HK3: variants seen among roughly 807,000 people sequenced by gnomAD.
The protein encoded by HK3 is hexokinase-3.
HK3 carries 93 observed loss-of-function variants against 91.0 expected under a neutral mutation model. That is an observed-to-expected ratio of 1.02 (90% CI 0.86 to 1.21). HK3 has a LOEUF of 1.21. Among genes scored for constraint, HK3 ranks in the 50% most tolerant of loss-of-function variants. The pLI, the probability that HK3 is intolerant of heterozygous loss-of-function variation, is 0.00. For missense variants in HK3, 1,235 were observed against 1,247.4 expected (o/e 0.99, Z 0.15); for synonymous variants, 519 against 516.9 (o/e 1.00, Z -0.06).
intron 6 of HK3, 144 bp from the exon 7 acceptor site, chr5:176,889,888 G>T: frequency 1.5e-6 from 1 of 675,878 alleles, no homozygotes; most frequent in Non-Finnish European, 2.6e-6. Context: ...ACACATTTGT[G>T]CCACAGATGC....
In HK3 at chr5:176,891,197, G is replaced by A. The variant is rs779799257; in HGVS notation, c.260-6C>T. The stretch of plus-strand genomic sequence containing the variant: ...CACCACGAAGTCTCCTTGCTCTGGA[G>A]GGCAAGCAGGTCACAGAAAGCCATG... On this transcript the variant is annotated splice_polypyrimidine_tract_variant and splice_region_variant and intron_variant, in intron 3 of 18. Coordinates refer to ENST00000292432, the MANE Select transcript of HK3 (RefSeq NM_002115.3). 9 of 1,613,996 alleles carry A rather than the reference G, an allele frequency of 5.6e-6. No individual in the cohort carries two copies. The highest frequency in any genetic ancestry group is 1.6e-4 in the Middle Eastern group (1 of 6,084).
intron 13 of HK3, among the ~76,000 whole-genome samples, chr5:176,886,556 G>C (rs563563463): frequency 1.3e-5 from 2 of 152,046 alleles, no homozygotes; most frequent in African/African-American, 4.8e-5. Context: ...GTAGGGATGT[G>C]TGTCTTAGCC....
At position 176,880,898 on chromosome 5, in the gene HK3, A is replaced by G. The variant is rs1372193491; in HGVS notation, c.*175T>C. 6.6e-6 allele frequency: 4 copies of G among 603,790 alleles called. No homozygotes were observed. The highest frequency in any genetic ancestry group is 1.1e-5 in the Non-Finnish European group (4 of 359,028). The allele number at this position is 603,790 out of a possible 1,614,324, so 37.4% of individuals were successfully genotyped here. A position where few individuals can be genotyped will look rare whatever the true frequency, so the allele number is the denominator to read the frequency against. Reference sequence around the variant, plus strand: ...AATAAATTATATATATATATTGCTAACCTGAGTGCTACTTCTCTCAGGGAA... The same window carrying G: ...AATAAATTATATATATATATTGCTAGCCTGAGTGCTACTTCTCTCAGGGAA... On this transcript the variant is annotated 3_prime_UTR_variant, in exon 19 of 19. Coordinates refer to ENST00000292432, the MANE Select transcript of HK3 (RefSeq NM_002115.3).
At chr5:176,886,144 G>A (rs1758578827) in intron 13 of HK3, among the ~76,000 whole-genome samples, 1 of 151,978 alleles carries the variant, frequency 6.6e-6, no homozygotes, top group Non-Finnish European at 1.5e-5. Context: ...CAGGAGGATT[G>A]CTTGAACACA....
In HK3 at chr5:176,883,670, C is replaced by T. The variant is rs564073355; in HGVS notation, c.2053+100G>A. On this transcript the variant is annotated intron_variant, in intron 15 of 18. Transcript: ENST00000292432. The stretch of plus-strand genomic sequence containing the variant: ...CCCTACTGGGTCAGACCAGAGCAAT[C>T]CCACATCCCCACCGCCAAGGAAACA... 3.4e-5 allele frequency: 32 copies of T among 949,398 alleles called. 1 individual carries two copies. The South Asian group carries it at 4.5e-4, about 13-fold the overall frequency. The allele number at this position is 949,398 out of a possible 1,614,324, so 58.8% of individuals were successfully genotyped here.
intron 2 of HK3, among the ~76,000 whole-genome samples, chr5:176,894,797 G>A (rs892974043): frequency 2.0e-5 from 1 of 50,754 alleles, no homozygotes; most frequent in Admixed American, 2.4e-4. Context: ...TTTTTTTTTT[G>A]ACAGAGTCTC....
In HK3 at chr5:176,887,609, C is replaced by T. The variant is rs61741552; in HGVS notation, c.1442G>A (p.Arg481His). ...AVAARLAAHR[R>H]LLEETLAPFR... Reference sequence around the variant, plus strand: ...TGGGGCCAGGGTCTCCTCCAGCAGGCGCCGGTGGGCAGCCAGACGGGCAGC... The same window carrying T: ...TGGGGCCAGGGTCTCCTCCAGCAGGTGCCGGTGGGCAGCCAGACGGGCAGC... Residue 481 changes from arginine (R) to histidine (H), a missense_variant, in exon 11 of 19, where the codon CGC (arginine) becomes CAC (histidine). Physicochemically the swap from Arg to His is conservative, Grantham distance 29. This residue lies in a region of HK3 where 717 missense variants were observed against 751.6 expected (regional missense o/e 0.95). Transcript: ENST00000292432. This position sits in a 1 kb window ranked among gnomAD's most constrained non-coding sequence, Gnocchi z 4.9. 1.5e-4 allele frequency: 236 copies of T among 1,613,726 alleles called. No individual in the cohort carries two copies. In the African/African-American group the frequency reaches 2.5e-3, roughly 17 times the overall value.
Position 176,887,203 on chromosome 5 carries a change from G to C in HK3, c.1735C>G (p.Gln579Glu). Residue 579 changes from glutamine to glutamate, a missense_variant and splice_region_variant, in exon 12 of 19, where the codon CAG (glutamine) becomes GAG (glutamate). By Grantham distance (29) the Gln-to-Glu change is conservative. Transcript: ENST00000292432. The surrounding 1 kb of genome is among the most constrained non-coding windows in gnomAD (Gnocchi z 4.9). ...ATCAAGGTTCAGGCTGTGGGTACCT[G>C]CTGCCCAGAACCCTGGGCCACAGTC... ...PETVAQGSGQ[Q>E]LFDHIVDCIV... The C allele has an allele frequency of 6.2e-7, 1 of 1,614,116 alleles. No individual in the cohort carries two copies. The highest frequency in any genetic ancestry group is 8.5e-7 in the Non-Finnish European group (1 of 1,180,020).
intron 2 of HK3, among the ~76,000 whole-genome samples, chr5:176,893,292 T>A (rs1414499749): frequency 6.6e-6 from 1 of 152,116 alleles, no homozygotes; most frequent in African/African-American, 2.4e-5. Context: ...CCTAGAAAGT[T>A]CCCTTGAAAA....
At position 176,883,784 on chromosome 5, in the gene HK3, A is replaced by G; in HGVS notation, c.2039T>C (p.Ile680Thr). 1 of 1,613,876 alleles carries G rather than the reference A, an allele frequency of 6.2e-7. No individual in the cohort carries two copies. Among genetic ancestry groups the G allele is most frequent in the Non-Finnish European group, 8.5e-7 (1 of 1,179,852 alleles). Residue 680 changes from isoleucine (I) to threonine (T), a missense_variant, in exon 15 of 19, where the codon ATA (isoleucine) becomes ACA (threonine). Ile to Thr is a moderately conservative substitution (Grantham distance 89). Coordinates refer to ENST00000292432, the MANE Select transcript of HK3 (RefSeq NM_002115.3). ...GCCCTCCTCACCGACAATGAGGCCT[A>G]TCTCGCAACGGGGGTCCTCATAGCC... ...SCGYEDPRCE[I>T]GLIVGTGTNA...
In HK3 at chr5:176,896,087, C is replaced by G. The variant is rs751050734; in HGVS notation, c.73G>C (p.Gly25Arg). The G allele has an allele frequency of 4.3e-6, 7 of 1,613,514 alleles. No individual in the cohort carries two copies. In the East Asian group the frequency reaches 1.6e-4, roughly 36 times the overall value. The change falls in exon 2 of 19, where the codon GGG becomes CGG. Residue 25 changes from glycine (G) to arginine (R), a missense_variant. Physicochemically the swap from Gly to Arg is moderately radical, Grantham distance 125. Around this residue, in one of 3 missense-constraint regions of HK3, gnomAD observed 717 missense variants for 751.6 expected, o/e 0.95. Transcript: ENST00000292432. Reference sequence around the variant, plus strand: ...ACCAGCTCTGAGCTGTCTGAGGGCCCGGGCAAGCCCTCCTCAGAGCAACTC... The same window carrying G: ...ACCAGCTCTGAGCTGTCTGAGGGCCGGGGCAAGCCCTCCTCAGAGCAACTC... ...TLSCSEEGLP[G>R]PSDSSELVQE...
At chr5:176,890,492 A>G (rs1758736238) in intron 6 of HK3, 143 bp downstream of exon 6, 2 of 721,964 alleles carry the variant, frequency 2.8e-6, no homozygotes, top group Non-Finnish European at 4.9e-6. Flanking sequence ...TACCATGTAT[A>G]GGTTAAACTG....
intron 15 of HK3, among the ~76,000 whole-genome samples, chr5:176,882,829 G>C (rs1158455934): frequency 6.6e-6 from 1 of 152,170 alleles, no homozygotes; most frequent in Non-Finnish European, 1.5e-5. Flanking sequence ...TGGGCTCCTT[G>C]CTGGCCCCAC....
intron 1 of HK3, 76 bp from the exon 2 acceptor site, chr5:176,896,261 C>A: frequency 2.9e-6 from 2 of 682,212 alleles, no homozygotes; most frequent in East Asian, 6.3e-5. Context: ...AGACCAACTT[C>A]CTTCCTTCTG....
Position 176,887,637 on chromosome 5 carries a change from C to A in HK3, c.1414G>T (p.Val472Leu). Residue 472 changes from valine to leucine, a missense_variant, in exon 11 of 19, where the codon GTG becomes TTG. Physicochemically the swap from Val to Leu is conservative, Grantham distance 32 (BLOSUM62 1). This residue lies in a region of HK3 where 717 missense variants were observed against 751.6 expected (regional missense o/e 0.95). Transcript: ENST00000292432. The surrounding 1 kb of genome is among the most constrained non-coding windows in gnomAD (Gnocchi z 4.9). ...CGGTGGGCAGCCAGACGGGCAGCCA[C>A]GGCAGTCACCATCGCCACTCCCCGG... Reference protein sequence around the residue: ...GGRGVAMVTAVAARLAAHRRL... With the variant: ...GGRGVAMVTALAARLAAHRRL... The A allele has an allele frequency of 6.2e-7, 1 of 1,613,616 alleles. No homozygotes were observed. The highest frequency in any genetic ancestry group is 8.5e-7 in the Non-Finnish European group (1 of 1,179,900).
At position 176,882,222 on chromosome 5, in the gene HK3, ACT is replaced by A. The variant is rs1457761541; in HGVS notation, c.2054-97_2054-96del. ...ACCGAGATGGCAACGATTCGGGCTC[ACT>A]CTCTCTACCTCTCATGCTCACAGCC... On this transcript the variant is annotated intron_variant, in intron 15 of 18. Coordinates refer to ENST00000292432, the MANE Select transcript of HK3 (RefSeq NM_002115.3). The A allele has an allele frequency of 5.5e-6, 7 of 1,277,014 alleles. No homozygotes were observed. The African/African-American group carries it at 8.8e-5, about 16-fold the overall frequency. The allele number at this position is 1,277,014 out of a possible 1,614,324, so 79.1% of individuals were successfully genotyped here.
chr5:176,894,418 G>C (rs1758856770), intron 2 of HK3, among the ~76,000 whole-genome samples: 1 of 152,192 alleles, frequency 6.6e-6, no homozygotes, highest in Admixed American at 6.5e-5. Context: ...TGTATGTGAT[G>C]GAGCCAGCAG....
intron 1 of HK3, among the ~76,000 whole-genome samples, chr5:176,897,845 T>C (rs1758943594): frequency 1.3e-5 from 2 of 152,206 alleles, no homozygotes; most frequent in Admixed American, 6.5e-5. Flanking sequence ...AATCTACCTT[T>C]GGCCTCAGCC....
At position 176,881,052 on chromosome 5, in the gene HK3, C is replaced by T. The variant is rs774806885; in HGVS notation, c.*21G>A. On this transcript the variant is annotated 3_prime_UTR_variant, in exon 19 of 19. Coordinates refer to ENST00000292432, the MANE Select transcript of HK3 (RefSeq NM_002115.3). ...GCTCCAGCAAGGCTGCGGCGGAGAC[C>T]TCCTCAGCCTGGAGGTTTCCTCAGA... 1.3e-6 allele frequency: 2 copies of T among 1,577,000 alleles called. No homozygotes were observed. Among genetic ancestry groups the T allele is most frequent in the Non-Finnish European group, 1.7e-6 (2 of 1,162,110 alleles).
Sources: allele counts gnomAD v4.1 joint callset (sites outside exome capture counted in the v4.1 genomes callset), GRCh38; gene constraint gnomAD v4.1.1; regional missense constraint gnomAD v4.1.1; non-coding constraint Gnocchi (gnomAD v3.1); transcripts MANE v1.5; gene names NCBI Gene and HGNC (gene_info 2026-07-23, HGNC 2026-07-21).